CSF1R: variants seen among roughly 807,000 people sequenced by gnomAD.
The protein encoded by CSF1R is macrophage colony-stimulating factor 1 receptor.
Under a neutral mutation model 110.0 loss-of-function variants are expected in CSF1R, and 40 were observed. The observed-to-expected ratio is 0.36, with a 90% CI of 0.28 to 0.47. The LOEUF (loss-of-function observed/expected upper bound fraction) is 0.47. Among genes scored for constraint, CSF1R ranks in the 20% least tolerant of loss-of-function variants. The probability of loss-of-function intolerance (pLI) is 0.99; values close to 1 mark genes in which losing one functional copy is unlikely to be tolerated. For synonymous variants in CSF1R, 523 were observed against 503.4 expected, an observed-to-expected ratio of 1.04 and a Z score of -0.52; for missense variants, 1,052 against 1,253.0, an observed-to-expected ratio of 0.84 and a Z score of 2.42.
At chr5:150,073,542 T>C in intron 5 of CSF1R, 49 bp from the exon 6 acceptor site, 3 of 1,575,674 alleles carry the variant, frequency 1.9e-6, no homozygotes, top group South Asian at 1.1e-5. Context: ...AAGATGTCCT[T>C]GTTTATTTGT....
chr5:150,091,582 C>T (rs796092798), intron 1 of CSF1R, among the ~76,000 whole-genome samples: 29 of 152,094 alleles, frequency 1.9e-4, no homozygotes, highest in African/African-American at 3.6e-4. Flanking sequence ...AGACGGTTGA[C>T]GAGTGGTTAC....
chr5:150,097,734 C>T (rs1046502086), intron 1 of CSF1R, among the ~76,000 whole-genome samples: 1 of 152,084 alleles, frequency 6.6e-6, no homozygotes, highest in Admixed American at 6.6e-5. Flanking sequence ...GTACAAAACA[C>T]TGAGAAAAGA....
chr5:150,075,899 A>T (rs1039060742), intron 5 of CSF1R, among the ~76,000 whole-genome samples: 3 of 152,228 alleles, frequency 2.0e-5, no homozygotes, highest in African/African-American at 7.2e-5. Context: ...CAGAGCTCAC[A>T]ATCTGCTGCA....
At chr5:150,065,234 G>A (rs1237186367) in intron 10 of CSF1R, among the ~76,000 whole-genome samples, 2 of 150,656 alleles carry the variant, frequency 1.3e-5, no homozygotes, top group Admixed American at 1.3e-4. Flanking sequence ...GTGAGTGGAT[G>A]TTCTCCATCC....
At chr5:150,089,545 A>G (rs1056637198), upstream of CSF1R, among the ~76,000 whole-genome samples, 5 of 152,260 alleles carry the variant, frequency 3.3e-5, no homozygotes, top group African/African-American at 1.2e-4. Context: ...AAAGAAATTT[A>G]GAAGACCTTA....
intron 1 of CSF1R, among the ~76,000 whole-genome samples, chr5:150,099,533 A>T (rs1759334124): frequency 6.6e-6 from 1 of 152,222 alleles, no homozygotes; most frequent in Admixed American, 6.5e-5. Context: ...CATACAATAG[A>T]ACGCTACTCA....
At position 150,059,764 on chromosome 5, in the gene CSF1R, C is replaced by T. The variant is rs141866247; in HGVS notation, c.2068G>A (p.Gly690Ser). Residue 690 changes from glycine (G) to serine (S), a missense_variant, in exon 14 of 21, where the codon GGC (glycine) becomes AGC (serine). Around this residue, in one of 5 missense-constraint regions of CSF1R, gnomAD observed 124 missense variants for 117.7 expected, o/e 1.05. Coordinates refer to ENST00000675795, the MANE Select transcript of CSF1R (RefSeq NM_001288705.3). The stretch of plus-strand genomic sequence containing the variant: ...TCGACGCCTCCCTCGGGGTCCTGGC[C>T]GGGGCTCAGGCTGGGTCCCAGCATG... ...EAMLGPSLSP[G>S]QDPEGGVDYK... The T allele has an allele frequency of 2.9e-5, 46 of 1,613,960 alleles. No homozygotes were observed. In the Admixed American group the frequency reaches 4.3e-4, roughly 15 times the overall value.
chr5:150,055,479 G>C (rs1757164473), intron 18 of CSF1R, 143 bp from the exon 19 acceptor site: 1 of 691,550 alleles, frequency 1.4e-6, no homozygotes, highest in Non-Finnish European at 2.5e-6. Context: ...TGCTTCCTGT[G>C]TGCCAGCCAG....
At chr5:150,055,087 CAA>C (rs1757142365) in intron 19 of CSF1R, 148 bp downstream of exon 19, 4 of 634,518 alleles carry the variant, frequency 6.3e-6, no homozygotes. Context: ...AGCTTGAACT[CAA>C]AAGGGGCTTG....
At chr5:150,062,089 G>A (rs556741233) in intron 10 of CSF1R, among the ~76,000 whole-genome samples, 1 of 152,214 alleles carries the variant, frequency 6.6e-6, no homozygotes, top group Admixed American at 6.5e-5. Flanking sequence ...CACTATTTGT[G>A]TATTGAAGAC....
At position 150,053,413 on chromosome 5, in the gene CSF1R, G is replaced by A. The variant is rs1044349072; in HGVS notation, c.*656C>T. On this transcript the variant is annotated 3_prime_UTR_variant, in exon 21 of 21. Coordinates refer to ENST00000675795, the MANE Select transcript of CSF1R (RefSeq NM_001288705.3). Reference sequence around the variant, plus strand: ...CTTGGTGTGGCCAGCCACATGCCAAGGTCCCCTGCCTTCTAGCCCAGAATG... The same window carrying A: ...CTTGGTGTGGCCAGCCACATGCCAAAGTCCCCTGCCTTCTAGCCCAGAATG... The A allele has an allele frequency of 8.5e-6, 2 of 234,430 alleles. No individual in the cohort carries two copies. Among genetic ancestry groups the A allele is most frequent in the African/African-American group, 4.4e-5 (2 of 45,470 alleles). The allele number at this position is 234,430 out of a possible 1,614,324, so 14.5% of individuals were successfully genotyped here.
upstream of CSF1R, among the ~76,000 whole-genome samples, chr5:150,087,577 T>G (rs373355100): frequency 3.9e-5 from 6 of 152,330 alleles, no homozygotes; most frequent in African/African-American, 1.4e-4. Context: ...TGTTTATTTA[T>G]TTTTACAAAG....
chr5:150,067,958 G>T (rs757829370), intron 10 of CSF1R, among the ~76,000 whole-genome samples: 4 of 152,096 alleles, frequency 2.6e-5, no homozygotes, highest in African/African-American at 4.8e-5. Context: ...CAAGTAGCTG[G>T]GATTACAGGT....
At chr5:150,082,328 AGCCCAG>A (rs1758589249) in intron 1 of CSF1R, among the ~76,000 whole-genome samples, 1 of 152,204 alleles carries the variant, frequency 6.6e-6, no homozygotes, top group South Asian at 2.1e-4. Context: ...CCCACCATAG[AGCCCAG>A]AATTGGAAAG....
chr5:150,068,080 C>T (rs896295960), intron 10 of CSF1R, 135 bp downstream of exon 10: 3 of 685,986 alleles, frequency 4.4e-6, no homozygotes, highest in Non-Finnish European at 7.6e-6. Context: ...TGTTGGCATA[C>T]AGTAGGCACC....
chr5:150,070,224 T>C lies in CSF1R; in HGVS notation c.1277A>G (p.Gln426Arg). 1 of 1,614,092 alleles carries C rather than the reference T, an allele frequency of 6.2e-7. No homozygotes were observed. The highest frequency in any genetic ancestry group is 8.5e-7 in the Non-Finnish European group (1 of 1,179,990). Residue 426 changes from glutamine to arginine, a missense_variant, in exon 8 of 21, where the codon CAG (glutamine) becomes CGG (arginine). Gln to Arg is a conservative substitution (Grantham distance 43). Transcript: ENST00000675795. Reference sequence around the variant, plus strand: ...GCACTGCAGCCATGTCACGTTGGGCTGGGGGTACCCAGAGGCAGCACACAA... The same window carrying C: ...GCACTGCAGCCATGTCACGTTGGGCCGGGGGTACCCAGAGGCAGCACACAA... ...TLLCAASGYPQPNVTWLQCSG... is the reference protein window; with the variant it reads ...TLLCAASGYPRPNVTWLQCSG...
intron 1 of CSF1R, among the ~76,000 whole-genome samples, chr5:150,081,231 G>A (rs1758528517): frequency 6.6e-6 from 1 of 152,092 alleles, no homozygotes. Flanking sequence ...ATGTCCAGGA[G>A]GTCCCTCCTC....
At chr5:150,108,799 G>A (rs1039275443) in intron 1 of CSF1R, among the ~76,000 whole-genome samples, 4 of 151,208 alleles carry the variant, frequency 2.6e-5, no homozygotes, top group South Asian at 2.1e-4. Context: ...AGGAGAAGGC[G>A]AGGAGCCCTG....
In CSF1R at chr5:150,073,408, C is replaced by T; in HGVS notation, c.975G>A (p.Val325=). The change falls in exon 6 of 21, where the codon GTG becomes GTA. Residue 325 remains valine, a synonymous_variant. Transcript: ENST00000675795. ...AACCTTGCAGGCCTGGGTAGGCCTC[C>T]ACCATGACTTTGAGGTTGAGCCCCT... ...VGEGLNLKVM[V]EAYPGLQGFN... The T allele has an allele frequency of 1.2e-6, 2 of 1,614,094 alleles. No homozygotes were observed. Among genetic ancestry groups the T allele is most frequent in the Non-Finnish European group, 1.7e-6 (2 of 1,180,004 alleles).
Sources: allele counts gnomAD v4.1 joint callset (sites outside exome capture counted in the v4.1 genomes callset), GRCh38; gene constraint gnomAD v4.1.1; regional missense constraint gnomAD v4.1.1; transcripts MANE v1.5; gene names NCBI Gene and HGNC (gene_info 2026-07-23, HGNC 2026-07-21).